Variants in SNX7 observed in about 807,000 individuals in gnomAD.
The protein encoded by SNX7 is sorting nexin-7.
SNX7 carries 35 observed loss-of-function variants against 48.4 expected under a neutral mutation model. The ratio of observed to expected loss-of-function variants is 0.72; its 90% CI spans 0.55 to 0.96. SNX7 has a LOEUF of 0.96. Ranked by LOEUF, SNX7 falls within the 40% of genes least tolerant of loss-of-function variation. The pLI is 0.00. For synonymous variants in SNX7, 190 were observed against 190.2 expected (o/e 1.00, Z 0.01); for missense variants, 553 against 548.9 (o/e 1.01, Z -0.07).
intron 6 of SNX7, among the ~76,000 whole-genome samples, chr1:98,700,503 C>G (rs1651689424): frequency 6.6e-6 from 1 of 150,900 alleles, no homozygotes; most frequent in African/African-American, 2.4e-5. Context: ...GTTGAATTTT[C>G]TATGGACTTC....
intron 1 of SNX7, among the ~76,000 whole-genome samples, chr1:98,664,943 G>C (rs1649460298): frequency 6.6e-6 from 1 of 152,208 alleles, no homozygotes; most frequent in Non-Finnish European, 1.5e-5. Flanking sequence ...AGGTCACAAT[G>C]AGATGAGGCT....
chr1:98,685,770 C>T (rs943044053), intron 2 of SNX7, among the ~76,000 whole-genome samples: 1 of 152,026 alleles, frequency 6.6e-6, no homozygotes, highest in Non-Finnish European at 1.5e-5. Flanking sequence ...TGAAAAAGTT[C>T]TGAACTATGT....
At chr1:98,675,756 C>T (rs1650126166) in intron 1 of SNX7, among the ~76,000 whole-genome samples, 1 of 152,122 alleles carries the variant, frequency 6.6e-6, no homozygotes, top group African/African-American at 2.4e-5. Context: ...ATGCTGATTA[C>T]ACATTTATTT....
intron 8 of SNX7, among the ~76,000 whole-genome samples, chr1:98,743,981 A>G (rs1028148549): frequency 2.0e-5 from 3 of 152,074 alleles, no homozygotes; most frequent in African/African-American, 7.2e-5. Context: ...CAGAAATTTC[A>G]TTCTATTCAA....
intron 7 of SNX7, among the ~76,000 whole-genome samples, chr1:98,719,963 C>T (rs1206390948): frequency 6.6e-6 from 1 of 150,620 alleles, no homozygotes; most frequent in East Asian, 1.9e-4. Context: ...ATTTTAATAA[C>T]TGTCCCAGTC....
intron 1 of SNX7, among the ~76,000 whole-genome samples, chr1:98,682,894 TA>T (rs1213642245): frequency 3.3e-5 from 5 of 152,306 alleles, no homozygotes; most frequent in Non-Finnish European, 7.3e-5. Flanking sequence ...TCCTTCAATT[TA>T]AAAAATCTTC....
intron 4 of SNX7, among the ~76,000 whole-genome samples, chr1:98,695,272 G>A (rs1239513199): frequency 1.3e-5 from 2 of 151,974 alleles, no homozygotes; most frequent in Non-Finnish European, 1.5e-5. Flanking sequence ...AAAGATTTAC[G>A]GTCTGAGGAA....
intron 6 of SNX7, among the ~76,000 whole-genome samples, chr1:98,700,315 C>T (rs1440665935): frequency 6.6e-6 from 1 of 152,078 alleles, no homozygotes; most frequent in Non-Finnish European, 1.5e-5. Context: ...CTGAAGCAAC[C>T]TTTTACTCAA....
chr1:98,738,539 A>C (rs541056256), intron 8 of SNX7, 150 bp downstream of exon 8: 1 of 736,626 alleles, frequency 1.4e-6, no homozygotes, highest in African/African-American at 1.8e-5. Context: ...GTCAGTTACC[A>C]TTTGGTTTTG....
chr1:98,678,444 A>G (rs1294283450), intron 1 of SNX7, among the ~76,000 whole-genome samples: 3 of 152,164 alleles, frequency 2.0e-5, no homozygotes, highest in Non-Finnish European at 4.4e-5. Flanking sequence ...ATCAGTGTAC[A>G]TATGTATGTG....
intron 8 of SNX7, among the ~76,000 whole-genome samples, chr1:98,755,680 T>A (rs1246312766): frequency 6.6e-6 from 1 of 151,930 alleles, no homozygotes; most frequent in Non-Finnish European, 1.5e-5. Flanking sequence ...CCCAGGCTTA[T>A]CTCAAACTCC....
rs1279060744 is a variant in SNX7, at chr1:98,760,066, T to C, written c.1291T>C (p.Trp431Arg). Residue 431 changes from tryptophan (W) to arginine (R), a missense_variant, in exon 9 of 9, where the codon TGG (tryptophan) becomes CGG (arginine). By Grantham distance (101) the Trp-to-Arg change is moderately radical (BLOSUM62 -3). Coordinates refer to ENST00000306121, the MANE Select transcript of SNX7 (RefSeq NM_015976.5). ...IHYYEQCLAT[W>R]ESFLTSQTNL... ...TTCCATTATTCAGTGCCTTGCTACGTGGGAGTCATTCCTTACATCACAGAC... is the reference window on the plus strand; with the variant it reads ...TTCCATTATTCAGTGCCTTGCTACGCGGGAGTCATTCCTTACATCACAGAC... 1 of 1,602,306 alleles carries C rather than the reference T, an allele frequency of 6.2e-7. No individual in the cohort carries two copies. Among genetic ancestry groups the C allele is most frequent in the Non-Finnish European group, 8.6e-7 (1 of 1,169,578 alleles).
intron 7 of SNX7, among the ~76,000 whole-genome samples, chr1:98,705,451 G>A (rs1411869405): frequency 6.6e-6 from 1 of 152,092 alleles, no homozygotes; most frequent in East Asian, 1.9e-4. Context: ...CTTTCTAATA[G>A]GCTTGTTTAA....
intron 1 of SNX7, among the ~76,000 whole-genome samples, chr1:98,684,416 T>C (rs1468444431): frequency 2.0e-5 from 3 of 152,168 alleles, no homozygotes; most frequent in African/African-American, 7.2e-5. Context: ...CAAGGGATGC[T>C]CTCAGCTTCA....
intron 1 of SNX7, among the ~76,000 whole-genome samples, chr1:98,672,033 G>A (rs1294635979): frequency 6.6e-6 from 1 of 152,100 alleles, no homozygotes; most frequent in East Asian, 1.9e-4. Context: ...TAGAAAAAAT[G>A]AATCCCTAAT....
At position 98,760,483 on chromosome 1, in the gene SNX7, T is replaced by C. The variant is rs2101068943; in HGVS notation, c.*352T>C. The C allele has an allele frequency of 5.8e-6, 1 of 173,416 alleles. No individual in the cohort carries two copies. The highest frequency in any genetic ancestry group is 1.2e-5 in the Non-Finnish European group (1 of 81,052). The allele number at this position is 173,416 out of a possible 1,614,324, so 10.7% of individuals were successfully genotyped here. A position where few individuals can be genotyped will look rare whatever the true frequency, so the allele number is the denominator to read the frequency against. Reference sequence around the variant, plus strand: ...AAATATGTTGTAAGGACTGTTTTAATAAAAAGTTTAGTATGAAGTGGTTGG... The same window carrying C: ...AAATATGTTGTAAGGACTGTTTTAACAAAAAGTTTAGTATGAAGTGGTTGG... On this transcript the variant is annotated 3_prime_UTR_variant, in exon 9 of 9. Transcript: ENST00000306121.
At chr1:98,726,933 G>A (rs537208948) in intron 7 of SNX7, among the ~76,000 whole-genome samples, 13 of 152,216 alleles carry the variant, frequency 8.5e-5, no homozygotes, top group African/African-American at 2.6e-4. Flanking sequence ...TTTTTTGGCC[G>A]GGTGCAGTGG....
upstream of SNX7, chr1:98,661,568 G>A (rs1342593144): frequency 1.2e-5 from 7 of 590,296 alleles, no homozygotes; most frequent in South Asian, 8.5e-5. Context: ...GGATGCGCCC[G>A]GCCCGGGCCA....
chr1:98,688,600 T>C (rs1650936947), intron 2 of SNX7, among the ~76,000 whole-genome samples: 1 of 152,212 alleles, frequency 6.6e-6, no homozygotes, highest in African/African-American at 2.4e-5. Flanking sequence ...ATAATGAGTT[T>C]AGAATAACTG....
Sources: gnomAD v4.1 joint callset for allele counts (sites outside exome capture counted in the v4.1 genomes callset) on GRCh38, gnomAD v4.1.1 for gene constraint, MANE v1.5 for transcripts, NCBI Gene and HGNC (gene_info 2026-07-23, HGNC 2026-07-21) for gene names.